ISOC1: variants seen among roughly 807,000 people sequenced by gnomAD.
ISOC1 encodes the protein isochorismatase domain containing 1.
ISOC1 carries 33 observed loss-of-function variants against 30.0 expected under a neutral mutation model. The observed-to-expected ratio is 1.10, with a 90% confidence interval of 0.83 to 1.47. The LOEUF (loss-of-function observed/expected upper bound fraction) is 1.47. ISOC1 is among the 40% of genes most tolerant of loss of function. The pLI, the probability that ISOC1 is intolerant of heterozygous loss-of-function variation, is 0.00. For synonymous variants in ISOC1, 178 were observed against 159.8 expected, an observed-to-expected ratio of 1.11 and a Z score of -0.86; for missense variants, 372 against 388.0, an observed-to-expected ratio of 0.96 and a Z score of 0.35.
At position 129,110,868 on chromosome 5, in the gene ISOC1, C is replaced by CA. The variant is rs1162759059; in HGVS notation, c.751-1986dup. Among the ~76,000 whole-genome samples the CA allele has an allele frequency of 3.9e-5, 6 of 152,296 alleles. No individual in the cohort carries two copies. In the East Asian group the frequency reaches 1.2e-3, roughly 29 times the overall value. ...TGGAGTATACAGTGTAAAGCACTCT[C>CA]ACAGACATTGAAAGCCTGTGATTTA... On this transcript the variant is annotated intron_variant, in intron 4 of 4. Transcript: ENST00000173527.
At chr5:129,110,874 C>T (rs913158789) in intron 4 of ISOC1, among the ~76,000 whole-genome samples, 1 of 152,156 alleles carries the variant, frequency 6.6e-6, no homozygotes, top group African/African-American at 2.4e-5. Flanking sequence ...CTCTCACAGA[C>T]ATTGAAAGCC....
intron 1 of ISOC1, among the ~76,000 whole-genome samples, chr5:129,098,010 A>C (rs969892154): frequency 6.6e-6 from 1 of 152,164 alleles, no homozygotes; most frequent in Non-Finnish European, 1.5e-5. Flanking sequence ...CATGTAGTTC[A>C]TTGCGTAAAT....
chr5:129,094,892 A>G lies in ISOC1; in HGVS notation c.126A>G (p.Pro42=), dbSNP rs2150169061. The part of the protein sequence containing the change: ...FSVFARPSSV[P]HGAGYELLIQ... ...TCTTCGCGCGACCCTCGTCGGTGCC[A>G]CACGGGGCGGGCTACGAGCTGCTCA... The change falls in exon 1 of 5, where the codon CCA becomes CCG. Residue 42 remains proline (P), a synonymous_variant. Coordinates refer to ENST00000173527, the MANE Select transcript of ISOC1 (RefSeq NM_016048.2). 2 of 1,609,884 alleles carry G rather than the reference A, an allele frequency of 1.2e-6. No homozygotes were observed. Among genetic ancestry groups the G allele is most frequent in the East Asian group, 2.2e-5 (1 of 44,736 alleles).
chr5:129,112,980 G>A lies in ISOC1; in HGVS notation c.876G>A (p.Ser292=), dbSNP rs761720042. 14 of 1,613,002 alleles carry A rather than the reference G, an allele frequency of 8.7e-6. No individual in the cohort carries two copies. The highest frequency in any genetic ancestry group is 1.1e-5 in the Non-Finnish European group (13 of 1,179,494). Residue 292 remains serine, a synonymous_variant, in exon 5 of 5, where the codon TCG becomes TCA. Transcript: ENST00000173527. ...QNLIKASAPE[S]GLLSKV ...TAATTAAGGCGAGTGCTCCAGAGTC[G>A]GGTCTGCTTTCCAAAGTATAGGACA...
intron 1 of ISOC1, among the ~76,000 whole-genome samples, chr5:129,101,947 C>A (rs1056465732): frequency 6.6e-6 from 1 of 151,988 alleles, no homozygotes; most frequent in Non-Finnish European, 1.5e-5. Context: ...ATTGTTGGAT[C>A]GGGGTTGTGA....
Position 129,113,944 on chromosome 5 carries a change from A to G in ISOC1, c.*943A>G, listed in dbSNP as rs1034782312. Reference sequence around the variant, plus strand: ...CTCTTCGATAAATTTATTTTCATTAAATACTTGTTAGAGGGTTTTGAAATG... The same window carrying G: ...CTCTTCGATAAATTTATTTTCATTAGATACTTGTTAGAGGGTTTTGAAATG... On this transcript the variant is annotated 3_prime_UTR_variant, in exon 5 of 5. Transcript: ENST00000173527. 6.6e-6 allele frequency: 1 copy of G among 152,158 alleles called. No homozygotes were observed. The highest frequency in any genetic ancestry group is 2.4e-5 in the African/African-American group (1 of 41,434). The allele number at this position is 152,158 out of a possible 1,614,324, so 9.4% of individuals were successfully genotyped here. A position where few individuals can be genotyped will look rare whatever the true frequency, so the allele number is the denominator to read the frequency against.
intron 4 of ISOC1, among the ~76,000 whole-genome samples, chr5:129,112,018 A>G (rs1266058367): frequency 2.0e-5 from 3 of 152,156 alleles, no homozygotes; most frequent in Admixed American, 2.0e-4. Context: ...AGACAAGGGA[A>G]CTGTTAATTA....
At chr5:129,097,873 GC>G (rs1753524553) in intron 1 of ISOC1, 4 of 152,724 alleles carry the variant, frequency 2.6e-5, no homozygotes, top group African/African-American at 9.6e-5. Context: ...TCTTGGTGCT[GC>G]TCCTTGTTCT....
In ISOC1 at chr5:129,095,063, G is replaced by T; in HGVS notation, c.297G>T (p.Pro99=). The T allele has an allele frequency of 1.3e-6, 2 of 1,578,134 alleles. No individual in the cohort carries two copies. The highest frequency in any genetic ancestry group is 2.3e-5 in the South Asian group (2 of 87,716). Residue 99 remains proline (P), a synonymous_variant, in exon 1 of 5, where the codon CCG becomes CCT. Coordinates refer to ENST00000173527, the MANE Select transcript of ISOC1 (RefSeq NM_016048.2). The part of the protein sequence containing the change: ...VSERCKVRLV[P]LQIQLTTLGN... The stretch of plus-strand genomic sequence containing the variant: ...AGCGCTGCAAGGTGCGCCTCGTGCC[G>T]TTGCAGATCCAGGTGGGTCCTGCGG...
chr5:129,108,912 A>G (rs532297597), intron 4 of ISOC1, among the ~76,000 whole-genome samples: 11 of 152,260 alleles, frequency 7.2e-5, no homozygotes, highest in African/African-American at 1.9e-4. Context: ...GGTCCTCACC[A>G]CCTCAGCCAG....
In ISOC1 at chr5:129,095,095, G is replaced by A; in HGVS notation, c.309+20G>A. ...ATCCAGGTGGGTCCTGCGGGAGGCCGCGCGCTTCCCTGTTCCCGAGTCGTC... is the reference window on the plus strand; with the variant it reads ...ATCCAGGTGGGTCCTGCGGGAGGCCACGCGCTTCCCTGTTCCCGAGTCGTC... On this transcript the variant is annotated intron_variant, in intron 1 of 4. Transcript: ENST00000173527. 6.6e-7 allele frequency: 1 copy of A among 1,525,856 alleles called. No individual in the cohort carries two copies. Among genetic ancestry groups the A allele is most frequent in the Non-Finnish European group, 8.8e-7 (1 of 1,141,166 alleles). The allele number at this position is 1,525,856 out of a possible 1,614,324, so 94.5% of individuals were successfully genotyped here.
In ISOC1 at chr5:129,095,074, A is replaced by G. The variant is rs748267518; in HGVS notation, c.308A>G (p.Gln103Arg). The G allele has an allele frequency of 4.5e-6, 7 of 1,563,736 alleles. No individual in the cohort carries two copies. The highest frequency in any genetic ancestry group is 2.7e-5 in the African/African-American group (2 of 73,188). Reference sequence around the variant, plus strand: ...GTGCGCCTCGTGCCGTTGCAGATCCAGGTGGGTCCTGCGGGAGGCCGCGCG... The same window carrying G: ...GTGCGCCTCGTGCCGTTGCAGATCCGGGTGGGTCCTGCGGGAGGCCGCGCG... ...CKVRLVPLQI[Q>R]LTTLGNLTPS... Residue 103 changes from glutamine to arginine, a missense_variant and splice_region_variant, in exon 1 of 5, where the codon CAG becomes CGG. Gln to Arg is a conservative substitution (Grantham distance 43, BLOSUM62 1). Transcript: ENST00000173527.
At chr5:129,097,322 C>G (rs187417718) in intron 1 of ISOC1, among the ~76,000 whole-genome samples, 1 of 152,244 alleles carries the variant, frequency 6.6e-6, no homozygotes, top group African/African-American at 2.4e-5. Context: ...AATATGCACA[C>G]ACTGTGTATC....
Position 129,096,247 on chromosome 5 carries a change from ATTG to A in ISOC1, c.309+1175_309+1177del, listed in dbSNP as rs1381003222. ...GTTATTTTGAAATATACAATAAATT[ATTG>A]TTAACTATAGTCACGCTATTGTGCT... is the stretch of plus-strand genomic sequence containing the variant. On this transcript the variant is annotated intron_variant, in intron 1 of 4. Coordinates refer to ENST00000173527, the MANE Select transcript of ISOC1 (RefSeq NM_016048.2). 1.6e-4 allele frequency among the ~76,000 whole-genome samples: 25 copies of A among 152,322 alleles called. 1 individual carries two copies. In the East Asian group the frequency reaches 2.9e-3, roughly 18 times the overall value.
rs138572147 is a variant in ISOC1, at chr5:129,105,126, C to CATATAT, written c.429+53_430-52dup. ...TATTTGCTGAATCATCATATACACT[C>CATATAT]ATATATACACATATATGTATATAGC... On this transcript the variant is annotated intron_variant, in intron 2 of 4. Transcript: ENST00000173527. The CATATAT allele has an allele frequency of 1.6e-3, 2,511 of 1,611,610 alleles. 43 individuals carry two copies. The African/African-American group carries it at 0.029, about 19-fold the overall frequency.
At chr5:129,106,035 A>G (rs1261865171) in intron 3 of ISOC1, among the ~76,000 whole-genome samples, 2 of 152,220 alleles carry the variant, frequency 1.3e-5, no homozygotes, top group African/African-American at 4.8e-5. Flanking sequence ...TAACAGTAGA[A>G]AGATATTTCC....
At chr5:129,103,582 T>C (rs1230769565) in intron 1 of ISOC1, among the ~76,000 whole-genome samples, 5 of 152,260 alleles carry the variant, frequency 3.3e-5, no homozygotes, top group African/African-American at 1.2e-4. Flanking sequence ...GACCAGGACA[T>C]AGATAAAACA....
At chr5:129,095,313 C>A (rs1218069988) in intron 1 of ISOC1, among the ~76,000 whole-genome samples, 1 of 152,242 alleles carries the variant, frequency 6.6e-6, no homozygotes, top group East Asian at 1.9e-4. Flanking sequence ...GGCCTCGTAG[C>A]TGGTTTCAGC....
In ISOC1 at chr5:129,105,448, G is replaced by T; in HGVS notation, c.633+60G>T. 5.6e-6 allele frequency: 8 copies of T among 1,423,462 alleles called. No homozygotes were observed. In the South Asian group the frequency reaches 9.7e-5, roughly 17 times the overall value. The allele number at this position is 1,423,462 out of a possible 1,614,324, so 88.2% of individuals were successfully genotyped here. ...TATTTATAGAAAACTCAATATTTGTGGAATGTAATTTCATATATGGTATGC... is the reference window on the plus strand; with the variant it reads ...TATTTATAGAAAACTCAATATTTGTTGAATGTAATTTCATATATGGTATGC... On this transcript the variant is annotated intron_variant, in intron 3 of 4. Transcript: ENST00000173527.
Sources: gnomAD v4.1 joint callset for allele counts (sites outside exome capture counted in the v4.1 genomes callset) on GRCh38, gnomAD v4.1.1 for gene constraint, MANE v1.5 for transcripts, NCBI Gene and HGNC (gene_info 2026-07-23, HGNC 2026-07-21) for gene names.